Variants in PYGO1 observed in about 807,000 individuals in gnomAD.
PYGO1 encodes the protein pygopus homolog 1.
In PYGO1, 6 loss-of-function variants were observed where a neutral mutation model predicts 29.5. That is an observed-to-expected ratio of 0.20 (90% CI 0.11 to 0.40). The LOEUF (loss-of-function observed/expected upper bound fraction) is 0.40. PYGO1 is among the 10% of genes least tolerant of loss of function. The pLI, the probability that PYGO1 is intolerant of heterozygous loss-of-function variation, is 1.00. For missense variants in PYGO1, 515 were observed against 514.9 expected, an observed-to-expected ratio of 1.00 and a Z score of 0.00; for synonymous variants, 186 against 180.5, an observed-to-expected ratio of 1.03 and a Z score of -0.24.
chr15:55,581,669 A>G (rs528324460), intron 1 of PYGO1, among the ~76,000 whole-genome samples: 42 of 152,266 alleles, frequency 2.8e-4, no homozygotes, highest in African/African-American at 9.4e-4. Flanking sequence ...CTCGACTGTA[A>G]ACCAACAATA....
chr15:55,580,091 A>G (rs918798110), intron 1 of PYGO1, among the ~76,000 whole-genome samples: 2 of 152,216 alleles, frequency 1.3e-5, no homozygotes, highest in African/African-American at 4.8e-5. Flanking sequence ...ACATGTGAAG[A>G]TAACTATACA....
At chr15:55,580,390 T>C (rs985987215) in intron 1 of PYGO1, among the ~76,000 whole-genome samples, 1 of 152,242 alleles carries the variant, frequency 6.6e-6, no homozygotes, top group Non-Finnish European at 1.5e-5. Flanking sequence ...ATTTATTGAT[T>C]GATTAAATAT....
intron 1 of PYGO1, among the ~76,000 whole-genome samples, chr15:55,586,651 T>A (rs1472448125): frequency 6.6e-6 from 1 of 152,222 alleles, no homozygotes; most frequent in African/African-American, 2.4e-5. Flanking sequence ...TTGCACACAC[T>A]GGGCATATTC....
chr15:55,573,220 C>T (rs1247961730), intron 1 of PYGO1, among the ~76,000 whole-genome samples: 5 of 152,062 alleles, frequency 3.3e-5, no homozygotes, highest in African/African-American at 4.8e-5. Context: ...GCAGGAGAAT[C>T]GCTTAAGCCT....
chr15:55,547,806 T>C (rs1441161818), intron 2 of PYGO1, among the ~76,000 whole-genome samples: 4 of 152,188 alleles, frequency 2.6e-5, no homozygotes, highest in African/African-American at 9.6e-5. Flanking sequence ...AGTGAGAGCC[T>C]GTATATATAA....
At chr15:55,565,931 G>A (rs1731397241) in intron 1 of PYGO1, among the ~76,000 whole-genome samples, 1 of 152,136 alleles carries the variant, frequency 6.6e-6, no homozygotes, top group Non-Finnish European at 1.5e-5. Context: ...ATAGGCACAC[G>A]CCACCACACT....
At chr15:55,560,224 G>A (rs1328075177) in intron 1 of PYGO1, among the ~76,000 whole-genome samples, 2 of 152,054 alleles carry the variant, frequency 1.3e-5, no homozygotes, top group Admixed American at 1.3e-4. Flanking sequence ...TATTCAAATA[G>A]GATGATAATA....
intron 1 of PYGO1, among the ~76,000 whole-genome samples, chr15:55,570,487 T>C (rs1021929390): frequency 2.0e-5 from 3 of 151,794 alleles, no homozygotes; most frequent in Non-Finnish European, 4.4e-5. Flanking sequence ...GAGTGTTTCA[T>C]CCTTTTCTTA....
Position 55,553,564 on chromosome 15 carries a change from A to T in PYGO1, c.50-4569T>A, listed in dbSNP as rs118096336. 7.5e-3 allele frequency among the ~76,000 whole-genome samples: 1,139 copies of T among 151,998 alleles called. 50 individuals are homozygous for T. In the East Asian group the frequency reaches 0.12, roughly 16 times the overall value. On this transcript the variant is annotated intron_variant, in intron 1 of 2. Transcript: ENST00000563719. ...GCACTTGCCACCACCACCACTTGCCACCACCACTAACTTTTTTTGTATTTT... is the reference window on the plus strand; with the variant it reads ...GCACTTGCCACCACCACCACTTGCCTCCACCACTAACTTTTTTTGTATTTT...
intron 1 of PYGO1, among the ~76,000 whole-genome samples, chr15:55,582,464 T>C (rs1212790450): frequency 2.0e-5 from 3 of 152,178 alleles, no homozygotes; most frequent in African/African-American, 7.2e-5. Flanking sequence ...CCTACCTCTC[T>C]GACTACTCCT....
At chr15:55,588,727 G>T (rs1204057265), upstream of PYGO1, 1 of 1,483,608 alleles carries the variant, frequency 6.7e-7, no homozygotes, top group Non-Finnish European at 9.4e-7. Context: ...CAAGGAAAGG[G>T]CATCTCCGAA....
intron 1 of PYGO1, among the ~76,000 whole-genome samples, chr15:55,573,802 T>C (rs1391139397): frequency 1.3e-5 from 2 of 152,234 alleles, no homozygotes; most frequent in Admixed American, 1.3e-4. Flanking sequence ...TTAACAAATA[T>C]ATGTTATATG....
At chr15:55,584,316 G>C (rs576001437) in intron 1 of PYGO1, among the ~76,000 whole-genome samples, 5 of 151,870 alleles carry the variant, frequency 3.3e-5, no homozygotes, top group South Asian at 2.1e-4. Flanking sequence ...ACAGGTTGTC[G>C]TCCAGGCTGT....
intron 1 of PYGO1, among the ~76,000 whole-genome samples, chr15:55,580,553 A>G (rs2059021101): frequency 6.6e-6 from 1 of 152,224 alleles, no homozygotes; most frequent in Non-Finnish European, 1.5e-5. Context: ...CAACAACTCC[A>G]TGAGATAAGT....
intron 1 of PYGO1, among the ~76,000 whole-genome samples, chr15:55,552,433 T>G (rs1252765856): frequency 7.0e-6 from 1 of 142,294 alleles, no homozygotes; most frequent in Non-Finnish European, 1.5e-5. Flanking sequence ...ATGAAAATGG[T>G]GTGTGAATTA....
chr15:55,582,068 G>T (rs946716249), intron 1 of PYGO1, among the ~76,000 whole-genome samples: 1 of 151,954 alleles, frequency 6.6e-6, no homozygotes, highest in Admixed American at 6.6e-5. Flanking sequence ...TTAGCCGGGC[G>T]TGGTGGCACG....
chr15:55,588,199 C>T lies in PYGO1; in HGVS notation c.-316G>A. 4.1e-6 allele frequency: 1 copy of T among 243,096 alleles called. No homozygotes were observed. The highest frequency in any genetic ancestry group is 6.5e-6 in the Non-Finnish European group (1 of 153,046). The allele number at this position is 243,096 out of a possible 1,614,324, so 15.1% of individuals were successfully genotyped here. On this transcript the variant is annotated 5_prime_UTR_variant, in exon 1 of 3. Transcript: ENST00000563719. ...AGGGCGAGTGCGCCGCCGCCGCCGC[C>T]GCCTCCTCCCACTCCTTCTTCTTCG...
intron 1 of PYGO1, among the ~76,000 whole-genome samples, chr15:55,561,609 C>T (rs189316779): frequency 1.3e-5 from 2 of 152,300 alleles, no homozygotes; most frequent in Admixed American, 1.3e-4. Flanking sequence ...CACCAGATTC[C>T]TCCCTTAATA....
intron 1 of PYGO1, among the ~76,000 whole-genome samples, chr15:55,584,417 CAT>C (rs1022429126): frequency 2.4e-4 from 37 of 152,262 alleles, no homozygotes; most frequent in African/African-American, 8.9e-4. Flanking sequence ...AGCCAGGTGT[CAT>C]ATCTTAATTA....
Sources: gnomAD v4.1 joint callset for allele counts (sites outside exome capture counted in the v4.1 genomes callset) on GRCh38, gnomAD v4.1.1 for gene constraint, MANE v1.5 for transcripts, NCBI Gene and HGNC (gene_info 2026-07-23, HGNC 2026-07-21) for gene names.